TMEM182: variants seen among roughly 807,000 people sequenced by gnomAD.
The protein encoded by TMEM182 is transmembrane protein 182.
TMEM182 carries 20 observed loss-of-function variants against 26.8 expected under a neutral mutation model. The ratio of observed to expected loss-of-function variants is 0.75; its 90% CI spans 0.53 to 1.09. TMEM182 has a LOEUF of 1.09. Ranked by LOEUF, TMEM182 falls within the 50% of genes least tolerant of loss-of-function variation. The probability of loss-of-function intolerance (pLI) is 0.00; values close to 1 mark genes in which losing one functional copy is unlikely to be tolerated. For missense variants in TMEM182, 277 were observed against 275.5 expected (o/e 1.01, Z -0.04); for synonymous variants, 109 against 102.2 (o/e 1.07, Z -0.40).
At chr2:102,773,658 G>T (rs1243409526) in intron 3 of TMEM182, among the ~76,000 whole-genome samples, 7 of 151,868 alleles carry the variant, frequency 4.6e-5, no homozygotes, top group Non-Finnish European at 1.0e-4. Flanking sequence ...GATGAGAGGG[G>T]GAACTAATGA....
rs574919815 is a variant in TMEM182 at position 102,786,591 on chromosome 2, C to T, written c.332-11272C>T. 3.9e-5 allele frequency among the ~76,000 whole-genome samples: 6 copies of T among 152,274 alleles called. No individual in the cohort carries two copies. The East Asian group carries it at 1.2e-3, about 29-fold the overall frequency. On this transcript the variant is annotated intron_variant, in intron 3 of 4. Transcript: ENST00000412401. Reference sequence around the variant, plus strand: ...GCTCTTCTTTTTCCAAGGCCTGCTTCTCTTTCATAGGGATTTACATGATAA... The same window carrying T: ...GCTCTTCTTTTTCCAAGGCCTGCTTTTCTTTCATAGGGATTTACATGATAA...
In TMEM182 at chr2:102,815,857, T is replaced by C; in HGVS notation, c.*889T>C. Reference sequence around the variant, plus strand: ...TTATTGATAAAATGTGATTTTAATATTTTTTAGATATAAACTTTCAACGTA... The same window carrying C: ...TTATTGATAAAATGTGATTTTAATACTTTTTAGATATAAACTTTCAACGTA... On this transcript the variant is annotated 3_prime_UTR_variant, in exon 5 of 5. Coordinates refer to ENST00000412401, the MANE Select transcript of TMEM182 (RefSeq NM_144632.5). The C allele has an allele frequency of 1.1e-6, 1 of 911,992 alleles. No homozygotes were observed. Among genetic ancestry groups the C allele is most frequent in the Non-Finnish European group, 1.3e-6 (1 of 763,462 alleles). The allele number at this position is 911,992 out of a possible 1,614,324, so 56.5% of individuals were successfully genotyped here. A position where few individuals can be genotyped will look rare whatever the true frequency, so the allele number is the denominator to read the frequency against.
At chr2:102,787,275 G>T (rs1302693495) in intron 3 of TMEM182, among the ~76,000 whole-genome samples, 2 of 152,238 alleles carry the variant, frequency 1.3e-5, no homozygotes, top group Admixed American at 1.3e-4. Context: ...CTCTGAAGGT[G>T]TGAAGTCCAA....
At chr2:102,766,663 A>T (rs1358806296) in intron 3 of TMEM182, among the ~76,000 whole-genome samples, 1 of 152,154 alleles carries the variant, frequency 6.6e-6, no homozygotes, top group Non-Finnish European at 1.5e-5. Flanking sequence ...TTCCTAGTTA[A>T]TGAGACTATG....
chr2:102,761,898 C>T (rs1007321168), upstream of TMEM182: 1 of 262,724 alleles, frequency 3.8e-6, no homozygotes, highest in Non-Finnish European at 7.3e-6. Flanking sequence ...ATACTTCTCT[C>T]TATAGTCAAG....
At chr2:102,768,523 TAA>T (rs748149757) in intron 3 of TMEM182, among the ~76,000 whole-genome samples, 7 of 116,032 alleles carry the variant, frequency 6.0e-5, no homozygotes, top group Non-Finnish European at 5.6e-5. Context: ...CTATCTGTAC[TAA>T]AAAAAAAAAA....
At chr2:102,761,766 G>C (rs1680221723), upstream of TMEM182, among the ~76,000 whole-genome samples, 1 of 152,214 alleles carries the variant, frequency 6.6e-6, no homozygotes, top group South Asian at 2.1e-4. Flanking sequence ...TCTAGACTAA[G>C]AGGAGCTTGT....
chr2:102,762,451 A>G (rs376638279), intron 1 of TMEM182, 102 bp downstream of exon 1: 14 of 1,538,606 alleles, frequency 9.1e-6, no homozygotes, highest in East Asian at 6.8e-5. Context: ...CTATTTCTTC[A>G]TGGAAGAGAT....
intron 3 of TMEM182, among the ~76,000 whole-genome samples, chr2:102,774,250 C>CTTTCT (rs1680809804): frequency 4.2e-5 from 4 of 96,130 alleles, no homozygotes; most frequent in African/African-American, 1.3e-4. Flanking sequence ...TTCTTTCTTT[C>CTTTCT]TTTTTTTTTT....
chr2:102,764,870 A>G (rs926623530), intron 3 of TMEM182, among the ~76,000 whole-genome samples: 1 of 151,368 alleles, frequency 6.6e-6, no homozygotes, highest in Non-Finnish European at 1.5e-5. Flanking sequence ...ATAAATATGT[A>G]ATTATGCTAC....
intron 1 of TMEM182, among the ~76,000 whole-genome samples, chr2:102,739,363 A>G (rs762443289): frequency 1.3e-5 from 2 of 152,204 alleles, no homozygotes; most frequent in African/African-American, 2.4e-5. Context: ...TTTGATGTAT[A>G]GCGTTCATAT....
chr2:102,815,673 G>T lies in TMEM182; in HGVS notation c.*705G>T. On this transcript the variant is annotated 3_prime_UTR_variant, in exon 5 of 5. Coordinates refer to ENST00000412401, the MANE Select transcript of TMEM182 (RefSeq NM_144632.5). ...ATCTGCATACCAAATTATGTATAAC[G>T]TAGATTGAATTTTTATGAACTTAAA... 1 of 983,990 alleles carries T rather than the reference G, an allele frequency of 1.0e-6. No homozygotes were observed. The highest frequency in any genetic ancestry group is 4.7e-5 in the South Asian group (1 of 21,256). 61.0% of individuals were successfully genotyped at this position (983,990 alleles called of 1,614,324 possible).
intron 4 of TMEM182, among the ~76,000 whole-genome samples, chr2:102,811,298 T>G (rs1463183345): frequency 6.6e-6 from 1 of 152,170 alleles, no homozygotes. Context: ...TGCTGTGTGA[T>G]TCTCACTGCA....
intron 3 of TMEM182, among the ~76,000 whole-genome samples, chr2:102,791,316 A>C (rs1001251770): frequency 5.3e-5 from 8 of 152,236 alleles, no homozygotes; most frequent in South Asian, 2.1e-4. Context: ...ATGTTAGAAA[A>C]ATATGAAATG....
intron 4 of TMEM182, among the ~76,000 whole-genome samples, chr2:102,814,102 A>G (rs1375502388): frequency 1.3e-5 from 2 of 151,804 alleles, no homozygotes; most frequent in Non-Finnish European, 2.9e-5. Context: ...ATATATATAT[A>G]TATTTAGATT....
intron 1 of TMEM182, among the ~76,000 whole-genome samples, chr2:102,756,242 G>A (rs1201856920): frequency 6.6e-6 from 1 of 152,032 alleles, no homozygotes; most frequent in African/African-American, 2.4e-5. Flanking sequence ...TGTGTTTTTT[G>A]CTTTTTAATT....
At chr2:102,803,305 T>C (rs1321530992) in intron 4 of TMEM182, among the ~76,000 whole-genome samples, 1 of 152,222 alleles carries the variant, frequency 6.6e-6, no homozygotes, top group Non-Finnish European at 1.5e-5. Flanking sequence ...TCCTCTGCCA[T>C]GTGCGGCAAA....
At chr2:102,809,549 T>G (rs1682473822) in intron 4 of TMEM182, among the ~76,000 whole-genome samples, 1 of 152,130 alleles carries the variant, frequency 6.6e-6, no homozygotes, top group Admixed American at 6.5e-5. Context: ...TGGAAACATT[T>G]TCCCTGTTGC....
Position 102,837,970 on chromosome 2 carries a change from G to A in TMEM182, c.326-5442G>A, listed in dbSNP as rs1204428981. Among the ~76,000 whole-genome samples the A allele has an allele frequency of 3.9e-5, 6 of 152,276 alleles. No individual in the cohort carries two copies. The East Asian group carries it at 5.8e-4, about 15-fold the overall frequency. Reference sequence around the variant, plus strand: ...GAAAAATTACTGAGAATTTCAAGACGGCGGCAGCAAAGCACTAAACAAAGT... The same window carrying A: ...GAAAAATTACTGAGAATTTCAAGACAGCGGCAGCAAAGCACTAAACAAAGT... On this transcript the variant is annotated intron_variant, in intron 3 of 3. Transcript: ENST00000486293.
Sources: allele counts gnomAD v4.1 joint callset (sites outside exome capture counted in the v4.1 genomes callset), GRCh38; gene constraint gnomAD v4.1.1; transcripts MANE v1.5; gene names NCBI Gene and HGNC (gene_info 2026-07-23, HGNC 2026-07-21).